The following MRTFB variants were observed in gnomAD, a reference collection of about 807,000 sequenced individuals.
The protein encoded by MRTFB is myocardin related transcription factor B, also known as myocardin-related transcription factor B.
In MRTFB, 29 loss-of-function variants were observed where a neutral mutation model predicts 104.2. The observed-to-expected ratio is 0.28, with a 90% CI of 0.21 to 0.38. The LOEUF is 0.38. Ranked by LOEUF, MRTFB falls within the 10% of genes least tolerant of loss-of-function variation. The probability of loss-of-function intolerance (pLI) is 1.00; values close to 1 mark genes in which losing one functional copy is unlikely to be tolerated. For missense variants in MRTFB, 1,270 were observed against 1,341.6 expected (o/e 0.95, Z 0.83); for synonymous variants, 535 against 519.5 (o/e 1.03, Z -0.41).
intron 15 of MRTFB, 139 bp downstream of exon 15, chr16:14,252,641 G>A: frequency 9.3e-7 from 1 of 1,080,886 alleles, no homozygotes; most frequent in Non-Finnish European, 1.3e-6. Context: ...TATTTTACAT[G>A]GTTATTTAAA....
At position 14,246,906 on chromosome 16, in the gene MRTFB, A is replaced by G. The variant is rs2151404914; in HGVS notation, c.1646A>G (p.Asn549Ser). 2 of 1,613,932 alleles carry G rather than the reference A, an allele frequency of 1.2e-6. No homozygotes were observed. The highest frequency in any genetic ancestry group is 8.5e-7 in the Non-Finnish European group (1 of 1,180,024). The change falls in exon 12 of 17, where the codon AAT (asparagine) becomes AGT (serine). Residue 549 changes from asparagine (N) to serine (S), a missense_variant. Physicochemically the swap from Asn to Ser is conservative, Grantham distance 46. This residue lies in a region of MRTFB where 1,144 missense variants were observed against 1,131.5 expected (regional missense o/e 1.01). Coordinates refer to ENST00000571589, the MANE Select transcript of MRTFB (RefSeq NM_001308142.2). ...LSSSPLRMTN[N>S]EDSLSPTSST... ...TCATCTCCTTTGAGAATGACAAATAATGAAGACAGTCTGAGTCCCACCAGC... is the reference window on the plus strand; with the variant it reads ...TCATCTCCTTTGAGAATGACAAATAGTGAAGACAGTCTGAGTCCCACCAGC...
At chr16:14,065,755 T>A in the MRTFB span, among the ~76,000 whole-genome samples, 23 of 151,660 alleles carry the variant, frequency 1.5e-4, no homozygotes, top group Admixed American at 5.9e-4. Flanking sequence ...TAAAAAAAAA[T>A]TTTTTTTAAT....
intron 3 of MRTFB, among the ~76,000 whole-genome samples, chr16:14,182,340 A>T (rs536489043): frequency 6.6e-6 from 1 of 152,266 alleles, no homozygotes; most frequent in South Asian, 2.1e-4. Flanking sequence ...CCATGAGTGG[A>T]GTGGCAGAAG....
chr16:14,233,405 G>C (rs1480464351), intron 8 of MRTFB, among the ~76,000 whole-genome samples: 1 of 152,154 alleles, frequency 6.6e-6, no homozygotes, highest in Non-Finnish European at 1.5e-5. Flanking sequence ...GCTGCCGGAG[G>C]GTAGGTCGAG....
intron 2 of MRTFB, among the ~76,000 whole-genome samples, chr16:14,120,999 T>A (rs2036816998): frequency 1.3e-5 from 2 of 152,204 alleles, no homozygotes; most frequent in South Asian, 4.1e-4. Context: ...CATAAACTCA[T>A]ATATATGTAT....
At chr16:14,031,113 C>T in the MRTFB span, among the ~76,000 whole-genome samples, 1 of 152,194 alleles carries the variant, frequency 6.6e-6, no homozygotes, top group African/African-American at 2.4e-5. Flanking sequence ...ATCCAGGGAC[C>T]AGGTGCGATA....
At position 14,262,191 on chromosome 16, in the gene MRTFB, T is replaced by C. The variant is rs551286546; in HGVS notation, c.*747T>C. Reference sequence around the variant, plus strand: ...AAATTCTATTAGCAACCTTCTGGGTTGGTTAGATTGATTTTAATGTATATA... The same window carrying C: ...AAATTCTATTAGCAACCTTCTGGGTCGGTTAGATTGATTTTAATGTATATA... On this transcript the variant is annotated 3_prime_UTR_variant, in exon 17 of 17. Transcript: ENST00000571589. 2 of 152,344 alleles carry C rather than the reference T, an allele frequency of 1.3e-5. No individual in the cohort carries two copies. Among genetic ancestry groups the C allele is most frequent in the African/African-American group, 4.8e-5 (2 of 41,584 alleles). The allele number at this position is 152,344 out of a possible 1,614,324, so 9.4% of individuals were successfully genotyped here. A position where few individuals can be genotyped will look rare whatever the true frequency, so the allele number is the denominator to read the frequency against.
At chr16:14,245,939 G>C (rs906468476) in intron 11 of MRTFB, among the ~76,000 whole-genome samples, 1 of 152,158 alleles carries the variant, frequency 6.6e-6, no homozygotes, top group African/African-American at 2.4e-5. Context: ...TCAATGCCAA[G>C]TTTGGGAAAA....
At chr16:14,040,518 A>G in the MRTFB span, among the ~76,000 whole-genome samples, 1 of 149,470 alleles carries the variant, frequency 6.7e-6, no homozygotes, top group Admixed American at 6.7e-5. Flanking sequence ...GCTGAAGTGC[A>G]GTGGCACAAT....
the MRTFB span, among the ~76,000 whole-genome samples, chr16:14,003,857 T>C: frequency 6.6e-6 from 1 of 152,192 alleles, no homozygotes; most frequent in African/African-American, 2.4e-5. Flanking sequence ...CCTAAGTACC[T>C]GCCTAAGGAG....
chr16:14,255,095 A>T (rs2043422493), intron 15 of MRTFB, among the ~76,000 whole-genome samples: 1 of 152,272 alleles, frequency 6.6e-6, no homozygotes, highest in Admixed American at 6.5e-5. Flanking sequence ...CTGAAGATAG[A>T]TCATAACTTA....
At chr16:14,160,830 C>T (rs980648887) in intron 3 of MRTFB, among the ~76,000 whole-genome samples, 1 of 152,118 alleles carries the variant, frequency 6.6e-6, no homozygotes, top group East Asian at 1.9e-4. Flanking sequence ...TGACCCCTTT[C>T]ATGGTGGTTT....
chr16:14,085,888 T>G (rs141456054), intron 2 of MRTFB, among the ~76,000 whole-genome samples: 169 of 152,388 alleles, frequency 1.1e-3, no homozygotes, highest in African/African-American at 3.8e-3. Flanking sequence ...TGTATCCCAT[T>G]TATTTTCCAA....
intron 2 of MRTFB, among the ~76,000 whole-genome samples, chr16:14,079,946 TA>T (rs1379836490): frequency 2.6e-5 from 4 of 152,316 alleles, no homozygotes. Flanking sequence ...CTGTATATAG[TA>T]GTCTTTTTTA....
chr16:14,233,166 G>C (rs1049307815), intron 8 of MRTFB, among the ~76,000 whole-genome samples: 1 of 152,190 alleles, frequency 6.6e-6, no homozygotes, highest in African/African-American at 2.4e-5. Context: ...CTGAGATTCA[G>C]CAATTGTTAA....
At chr16:14,259,095 C>A (rs1012266966) in intron 16 of MRTFB, among the ~76,000 whole-genome samples, 2 of 152,178 alleles carry the variant, frequency 1.3e-5, no homozygotes, top group Non-Finnish European at 2.9e-5. Context: ...CAGATCTACA[C>A]ACACAAATAG....
chr16:14,141,603 G>C (rs1424022490), intron 3 of MRTFB: 1 of 152,194 alleles, frequency 6.6e-6, no homozygotes, highest in East Asian at 1.9e-4. Context: ...TTTCCCTGCA[G>C]AGTGCCTCAT....
chr16:14,036,694 C>A, the MRTFB span, among the ~76,000 whole-genome samples: 1 of 149,984 alleles, frequency 6.7e-6, no homozygotes, highest in Non-Finnish European at 1.5e-5. Context: ...TATATAACTA[C>A]CTATGTCTAT....
intron 16 of MRTFB, among the ~76,000 whole-genome samples, chr16:14,259,153 G>A (rs1267912123): frequency 6.6e-6 from 1 of 152,124 alleles, no homozygotes; most frequent in Non-Finnish European, 1.5e-5. Context: ...AACTTCAGCC[G>A]GCCAACCCCC....
Sources: allele counts gnomAD v4.1 joint callset (sites outside exome capture counted in the v4.1 genomes callset), GRCh38; gene constraint gnomAD v4.1.1; regional missense constraint gnomAD v4.1.1; transcripts MANE v1.5; gene names NCBI Gene and HGNC (gene_info 2026-07-23, HGNC 2026-07-21).